The following UPF1 variants were observed in gnomAD, a reference collection of about 807,000 sequenced individuals.
UPF1 encodes UPF1 RNA helicase and ATPase, also known as regulator of nonsense transcripts 1.
In UPF1, 9 loss-of-function variants were observed where a neutral mutation model predicts 129.2. That is an observed-to-expected ratio of 0.07 (90% CI 0.04 to 0.12). The LOEUF (loss-of-function observed/expected upper bound fraction) is 0.12, where lower values mean the gene tolerates loss of function less well. Among genes scored for constraint, UPF1 ranks in the 10% least tolerant of loss-of-function variants. UPF1 has a pLI of 1.00. For synonymous variants in UPF1, 649 were observed against 644.9 expected (o/e 1.01, Z -0.10); for missense variants, 788 against 1,525.3 (o/e 0.52, Z 8.05).
intron 1 of UPF1, among the ~76,000 whole-genome samples, chr19:18,841,094 G>C (rs2055536242): frequency 6.6e-6 from 1 of 152,262 alleles, no homozygotes; most frequent in African/African-American, 2.4e-5. Context: ...CTCTTTTTCA[G>C]TACGGGGATC....
chr19:18,836,425 CT>C (rs1414347708), intron 1 of UPF1, among the ~76,000 whole-genome samples: 1 of 152,156 alleles, frequency 6.6e-6, no homozygotes, highest in Non-Finnish European at 1.5e-5. Flanking sequence ...ATAATAATTA[CT>C]TTTTTGTATG....
chr19:18,856,120 T>C, intron 12 of UPF1, 31 bp downstream of exon 12: 1 of 1,608,490 alleles, frequency 6.2e-7, no homozygotes, highest in Middle Eastern at 1.7e-4. Flanking sequence ...TCCCAGTTGG[T>C]CCCTGAGCTT....
chr19:18,845,999 T>C lies in UPF1; in HGVS notation c.251T>C (p.Leu84Pro). 1 of 1,614,114 alleles carries C rather than the reference T, an allele frequency of 6.2e-7. No homozygotes were observed. Among genetic ancestry groups the C allele is most frequent in the East Asian group, 2.2e-5 (1 of 44,890 alleles). The change falls in exon 2 of 24, where the codon CTG becomes CCG. Residue 84 changes from leucine (L) to proline (P), a missense_variant. By Grantham distance (98) the Leu-to-Pro change is moderately conservative (BLOSUM62 -3). Coordinates refer to ENST00000262803, the MANE Select transcript of UPF1 (RefSeq NM_002911.4). The part of the protein sequence containing the change: ...LDAQVGPEGI[L>P]QNGAVDDSVA... ...CTGCAGGTTGGGCCCGAAGGCATCCTGCAGAACGGGGCTGTGGACGACAGT... is the reference window on the plus strand; with the variant it reads ...CTGCAGGTTGGGCCCGAAGGCATCCCGCAGAACGGGGCTGTGGACGACAGT...
Position 18,850,089 on chromosome 19 carries a change from A to G in UPF1, c.476A>G (p.His159Arg). The change falls in exon 4 of 24, where the codon CAC becomes CGC. Residue 159 changes from histidine (H) to arginine (R), a missense_variant. Around this residue, in one of 6 missense-constraint regions of UPF1, gnomAD observed 227 missense variants for 517.9 expected, o/e 0.44. Transcript: ENST00000262803. This position sits in a 1 kb window ranked among gnomAD's most constrained non-coding sequence, Gnocchi z 7.1. Reference protein sequence around the residue: ...GNTSGSHIVNHLVRAKCKEVT... With the variant: ...GNTSGSHIVNRLVRAKCKEVT... Reference sequence around the variant, plus strand: ...CCTGGTTTCAGCCACATTGTAAATCACCTTGTGAGGGCAAAATGCAAAGAG... The same window carrying G: ...CCTGGTTTCAGCCACATTGTAAATCGCCTTGTGAGGGCAAAATGCAAAGAG... 6.2e-7 allele frequency: 1 copy of G among 1,614,184 alleles called. No individual in the cohort carries two copies. Among genetic ancestry groups the G allele is most frequent in the East Asian group, 2.2e-5 (1 of 44,884 alleles).
chr19:18,832,247 T>A lies in UPF1; in HGVS notation c.38T>A (p.Leu13His), dbSNP rs762638825. Residue 13 changes from leucine to histidine, a missense_variant, in exon 1 of 24, where the codon CTC (leucine) becomes CAC (histidine). Around this residue, in one of 6 missense-constraint regions of UPF1, gnomAD observed 112 missense variants for 128.2 expected, o/e 0.87. Transcript: ENST00000262803. This position sits in a 1 kb window ranked among gnomAD's most constrained non-coding sequence, Gnocchi z 5.6. ...VEAYGPSSQT[L>H]TFLDTEEAEL... ...GCGTACGGGCCCAGCTCGCAGACTCTCACTTTCCTGGACACGGAGGAGGCC... is the reference window on the plus strand; with the variant it reads ...GCGTACGGGCCCAGCTCGCAGACTCACACTTTCCTGGACACGGAGGAGGCC... 1 of 1,551,336 alleles carries A rather than the reference T, an allele frequency of 6.4e-7. No homozygotes were observed. The highest frequency in any genetic ancestry group is 1.2e-5 in the South Asian group (1 of 86,358).
rs916778756 is a variant in UPF1, at chr19:18,853,819, C to G, written c.1156+469C>G. Among the ~76,000 whole-genome samples the G allele has an allele frequency of 6.6e-6, 1 of 152,190 alleles. No homozygotes were observed. Among genetic ancestry groups the G allele is most frequent in the Non-Finnish European group, 1.5e-5 (1 of 68,032 alleles). On this transcript the variant is annotated intron_variant, in intron 8 of 23. Transcript: ENST00000262803. This position sits in a 1 kb window ranked among gnomAD's most constrained non-coding sequence, Gnocchi z 4.4. Reference sequence around the variant, plus strand: ...GTGACCTCATGGTGATGCAGCCTGCCGGCCAGAGTGGGGCAGCTGTAAGGC... The same window carrying G: ...GTGACCTCATGGTGATGCAGCCTGCGGGCCAGAGTGGGGCAGCTGTAAGGC...
chr19:18,856,147 C>G (rs112704906), intron 12 of UPF1, 39 bp from the exon 13 acceptor site: 6 of 1,606,898 alleles, frequency 3.7e-6, no homozygotes, highest in African/African-American at 1.3e-5. Flanking sequence ...GTGACATGTA[C>G]AGAACTCAGG....
rs1198609016 is a variant in UPF1 at position 18,862,162 on chromosome 19, C to T, written c.2600+10C>T. 6.2e-7 allele frequency: 1 copy of T among 1,612,392 alleles called. No homozygotes were observed. The highest frequency in any genetic ancestry group is 8.5e-7 in the Non-Finnish European group (1 of 1,179,058). Reference sequence around the variant, plus strand: ...CCCTGACCAGAGCAAGGTAGGGAGGCTGCCTGCTGCATGCTGCCCAGCCGC... The same window carrying T: ...CCCTGACCAGAGCAAGGTAGGGAGGTTGCCTGCTGCATGCTGCCCAGCCGC... On this transcript the variant is annotated intron_variant, in intron 18 of 23. Coordinates refer to ENST00000262803, the MANE Select transcript of UPF1 (RefSeq NM_002911.4).
Position 18,847,825 on chromosome 19 carries a change from T to C in UPF1, c.453T>C (p.Thr151=). The C allele has an allele frequency of 6.2e-7, 1 of 1,614,198 alleles. No individual in the cohort carries two copies. Among genetic ancestry groups the C allele is most frequent in the Non-Finnish European group, 8.5e-7 (1 of 1,180,008 alleles). The change falls in exon 3 of 24, where the codon ACT becomes ACC. Residue 151 remains threonine (T), a synonymous_variant. Coordinates refer to ENST00000262803, the MANE Select transcript of UPF1 (RefSeq NM_002911.4). ...KKWFCNGRGN[T]SGSHIVNHLV... ...GGTTCTGCAACGGACGTGGAAATAC[T>C]TCTGGCAGGTAGATAATCAGACCAT...
Position 18,866,132 on chromosome 19 carries a change from A to G in UPF1, c.3326A>G (p.His1109Arg), listed in dbSNP as rs765661177. Residue 1109 changes from histidine to arginine, a missense_variant, in exon 23 of 24, where the codon CAT becomes CGT. Transcript: ENST00000262803. The stretch of plus-strand genomic sequence containing the variant: ...TACCAGGGAGAGCGGGCTTACCAGC[A>G]TGGCGGGGTGACGGGGCTGTCCCAG... ...STYQGERAYQ[H>R]GGVTGLSQY The G allele has an allele frequency of 5.6e-6, 9 of 1,611,516 alleles. No homozygotes were observed. The Admixed American group carries it at 1.0e-4, about 18-fold the overall frequency.
In UPF1 at chr19:18,854,862, C is replaced by T; in HGVS notation, c.1266-17C>T. 6.2e-7 allele frequency: 1 copy of T among 1,613,852 alleles called. No homozygotes were observed. Among genetic ancestry groups the T allele is most frequent in the Non-Finnish European group, 8.5e-7 (1 of 1,179,820 alleles). ...GCCACAGCTGTGCGTGTCGCCAACCCCAAACCCTCCTCACAGGATGCAGAG... is the reference window on the plus strand; with the variant it reads ...GCCACAGCTGTGCGTGTCGCCAACCTCAAACCCTCCTCACAGGATGCAGAG... On this transcript the variant is annotated splice_polypyrimidine_tract_variant and intron_variant, in intron 9 of 23. Transcript: ENST00000262803.
Position 18,865,207 on chromosome 19 carries a change from G to C in UPF1, c.2858-82G>C. ...CCAGGACAGATGTGCAGCTCCGGCT[G>C]ACTGGCTGGTGGGGTGGGTGGGGTA... On this transcript the variant is annotated intron_variant, in intron 20 of 23. Coordinates refer to ENST00000262803, the MANE Select transcript of UPF1 (RefSeq NM_002911.4). This position sits in a 1 kb window ranked among gnomAD's most constrained non-coding sequence, Gnocchi z 6.1. 1 of 1,481,542 alleles carries C rather than the reference G, an allele frequency of 6.7e-7. No homozygotes were observed. The highest frequency in any genetic ancestry group is 1.3e-5 in the South Asian group (1 of 75,796). 91.8% of individuals were successfully genotyped at this position (1,481,542 alleles called of 1,614,324 possible).
intron 1 of UPF1, among the ~76,000 whole-genome samples, chr19:18,841,256 T>A (rs2055538228): frequency 6.6e-6 from 1 of 152,254 alleles, no homozygotes; most frequent in South Asian, 2.1e-4. Context: ...TTTTTTTTCT[T>A]CACTGGTGTG....
chr19:18,854,579 G>A (rs2055694955), intron 8 of UPF1, 22 bp from the exon 9 acceptor site: 1 of 1,588,138 alleles, frequency 6.3e-7, no homozygotes, highest in Non-Finnish European at 8.6e-7. Flanking sequence ...TGACAAGGAT[G>A]CAAACTTAAC....
intron 1 of UPF1, among the ~76,000 whole-genome samples, chr19:18,835,796 A>G (rs1568267590): frequency 6.6e-6 from 1 of 152,190 alleles, no homozygotes; most frequent in African/African-American, 2.4e-5. Context: ...CCATGAGTGT[A>G]CAGGTTTCTG....
intron 1 of UPF1, among the ~76,000 whole-genome samples, chr19:18,844,166 A>T (rs1023660941): frequency 7.9e-5 from 12 of 151,984 alleles, no homozygotes; most frequent in African/African-American, 2.9e-4. Context: ...CTAGGTTCAC[A>T]TCCAGAACTA....
In UPF1 at chr19:18,852,198, G is replaced by A; in HGVS notation, c.874G>A (p.Val292Ile). The change falls in exon 6 of 24, where the codon GTC (valine) becomes ATC (isoleucine). Residue 292 changes from valine to isoleucine, a missense_variant. Val to Ile is a conservative substitution (Grantham distance 29). Transcript: ENST00000262803. ...KPGVDEEPQHVLLRYEDAYQY... is the reference protein window; with the variant it reads ...KPGVDEEPQHILLRYEDAYQY... ...GGGGGTGGACGAGGAGCCGCAGCAT[G>A]TCCTCCTGCGGTACGAGGACGCCTA... 1 of 1,613,618 alleles carries A rather than the reference G, an allele frequency of 6.2e-7. No homozygotes were observed. Among genetic ancestry groups the A allele is most frequent in the Non-Finnish European group, 8.5e-7 (1 of 1,179,720 alleles).
chr19:18,855,287 A>AG (rs766784104), intron 11 of UPF1, 45 bp downstream of exon 11: 32 of 1,590,196 alleles, frequency 2.0e-5, no homozygotes, highest in African/African-American at 2.7e-5. Context: ...GGAGGGCTTT[A>AG]GGGTGGCCAG....
At position 18,866,026 on chromosome 19, in the gene UPF1, C is replaced by A. The variant is rs372845348; in HGVS notation, c.3238-18C>A. On this transcript the variant is annotated intron_variant, in intron 22 of 23. Transcript: ENST00000262803. ...CCCTTGGCCTGTGGCTTGCTTACCTCCTGACCTTGTCTTTCAGGACAGTTA... is the reference window on the plus strand; with the variant it reads ...CCCTTGGCCTGTGGCTTGCTTACCTACTGACCTTGTCTTTCAGGACAGTTA... 4 of 1,613,142 alleles carry A rather than the reference C, an allele frequency of 2.5e-6. No homozygotes were observed. The African/African-American group carries it at 5.3e-5, about 22-fold the overall frequency.
Sources: allele counts gnomAD v4.1 joint callset (sites outside exome capture counted in the v4.1 genomes callset), GRCh38; gene constraint gnomAD v4.1.1; regional missense constraint gnomAD v4.1.1; non-coding constraint Gnocchi (gnomAD v3.1); transcripts MANE v1.5; gene names NCBI Gene and HGNC (gene_info 2026-07-23, HGNC 2026-07-21).